Variants in COL11A1 observed in about 807,000 individuals in gnomAD.
COL11A1 encodes collagen alpha-1(XI) chain.
COL11A1 carries 74 observed loss-of-function variants against 265.2 expected under a neutral mutation model. That is an observed-to-expected ratio of 0.28 (90% CI 0.23 to 0.34). The LOEUF is 0.34. Ranked by LOEUF, COL11A1 falls within the 10% of genes least tolerant of loss-of-function variation. COL11A1 has a pLI of 1.00. For missense variants in COL11A1, 2,165 were observed against 2,263.6 expected (o/e 0.96, Z 0.88); for synonymous variants, 816 against 727.6 (o/e 1.12, Z -1.96).
At chr1:102,970,135 G>T in intron 37 of COL11A1, 84 bp downstream of exon 37, 2 of 1,072,446 alleles carry the variant, frequency 1.9e-6, no homozygotes, top group South Asian at 1.4e-5. Flanking sequence ...TAATTGAAAT[G>T]TTCATAATAA....
intron 58 of COL11A1, 29 bp downstream of exon 58, chr1:102,890,422 T>G: frequency 6.3e-7 from 1 of 1,578,292 alleles, no homozygotes; most frequent in South Asian, 1.2e-5. Flanking sequence ...GCATATTCTT[T>G]TATTAATAAC....
chr1:102,946,450 A>G (rs1459605314), intron 42 of COL11A1, among the ~76,000 whole-genome samples: 1 of 152,122 alleles, frequency 6.6e-6, no homozygotes, highest in Non-Finnish European at 1.5e-5. Context: ...GCTATTTTCT[A>G]TGAGTCTTAT....
rs186638743 is a variant in COL11A1, at chr1:103,012,646, A to G, written c.1573-177T>C. Among the ~76,000 whole-genome samples, 11 of 152,318 alleles carry G rather than the reference A, an allele frequency of 7.2e-5. No homozygotes were observed. The East Asian group carries it at 1.9e-3, about 27-fold the overall frequency. On this transcript the variant is annotated intron_variant, in intron 13 of 66. Coordinates refer to ENST00000370096, the MANE Select transcript of COL11A1 (RefSeq NM_001854.4). ...CTGCAAATTTCTAGAATGACAAAAGAGGTAAATATCAGACATTTTAAAAAC... is the reference window on the plus strand; with the variant it reads ...CTGCAAATTTCTAGAATGACAAAAGGGGTAAATATCAGACATTTTAAAAAC...
chr1:102,973,521 C>A (rs1231692907), intron 36 of COL11A1, among the ~76,000 whole-genome samples: 1 of 152,092 alleles, frequency 6.6e-6, no homozygotes. Flanking sequence ...TGTTCCTAAA[C>A]AATAATCTAA....
In COL11A1 at chr1:103,031,249, GAA is replaced by G. The variant is rs36076089; in HGVS notation, c.652-7_652-6del. The G allele has an allele frequency of 0.012, 15,261 of 1,318,710 alleles. 214 individuals carry two copies. Among genetic ancestry groups the G allele is most frequent in the African/African-American group, 0.089 (6,181 of 69,318 alleles). 81.7% of individuals were successfully genotyped at this position (1,318,710 alleles called of 1,614,324 possible). ...CAAAAACTGCTGAATGTCCCCCTGG[GAA>G]AAAAAAAAAAACAAAAACAAACAGA... On this transcript the variant is annotated splice_polypyrimidine_tract_variant and splice_region_variant and intron_variant, in intron 4 of 66. Transcript: ENST00000370096.
intron 5 of COL11A1, among the ~76,000 whole-genome samples, chr1:103,029,277 A>G (rs1342273269): frequency 2.0e-5 from 3 of 152,044 alleles, no homozygotes; most frequent in African/African-American, 4.8e-5. Context: ...TAAGTAATAT[A>G]AAGTACATGT....
rs11164628 is a variant in COL11A1 at position 102,887,217 on chromosome 1, C to T, written c.4609-161G>A. 0.49 allele frequency among the ~76,000 whole-genome samples: 74,356 copies of T among 151,928 alleles called. 21,789 individuals are homozygous for T. The highest frequency in any genetic ancestry group is 0.66 in the East Asian group (3,432 of 5,164). The stretch of plus-strand genomic sequence containing the variant: ...TAGGATAAGTTTATAAATATATAAA[C>T]GTCATAGATTCTTCTATGATGAACT... On this transcript the variant is annotated intron_variant, in intron 62 of 66. Coordinates refer to ENST00000370096, the MANE Select transcript of COL11A1 (RefSeq NM_001854.4).
chr1:103,073,872 T>C (rs1671769830), intron 4 of COL11A1, among the ~76,000 whole-genome samples: 1 of 152,026 alleles, frequency 6.6e-6, no homozygotes. Flanking sequence ...TGAAACTGTC[T>C]ATTAATTTGT....
chr1:103,078,142 A>T (rs1207712181), intron 3 of COL11A1, among the ~76,000 whole-genome samples: 2 of 151,926 alleles, frequency 1.3e-5, no homozygotes, highest in East Asian at 3.9e-4. Context: ...ACCTCCTACA[A>T]TGTGTTATAC....
chr1:102,990,099 T>C (rs71664951), intron 28 of COL11A1, among the ~76,000 whole-genome samples: 5,750 of 152,092 alleles, frequency 0.038, 150 homozygotes, highest in Middle Eastern at 0.1. Context: ...GTGGGAGGAT[T>C]GCTTAAGCCC....
chr1:103,009,949 G>A (rs976921733), intron 14 of COL11A1, among the ~76,000 whole-genome samples: 28 of 152,080 alleles, frequency 1.8e-4, no homozygotes, highest in Admixed American at 9.2e-4. Context: ...ATGCAATTAT[G>A]CAATTATAGA....
intron 4 of COL11A1, among the ~76,000 whole-genome samples, chr1:103,065,376 C>T (rs919099115): frequency 1.3e-5 from 2 of 151,590 alleles, no homozygotes; most frequent in East Asian, 1.9e-4. Context: ...AAAAATTAGC[C>T]GGGCGTGTTG....
rs1199511230 is a variant in COL11A1, at chr1:103,021,745, C to T, written c.1270G>A (p.Glu424Lys). 6.2e-7 allele frequency: 1 copy of T among 1,612,468 alleles called. No homozygotes were observed. The highest frequency in any genetic ancestry group is 8.5e-7 in the Non-Finnish European group (1 of 1,178,620). Residue 424 changes from glutamate to lysine, a missense_variant, in exon 9 of 67, where the codon GAG becomes AAG. Glu to Lys is a moderately conservative substitution (Grantham distance 56). Coordinates refer to ENST00000370096, the MANE Select transcript of COL11A1 (RefSeq NM_001854.4). ...GCTGGTTCTCCTTTCTGTCCTTTCT[C>T]TCCATATGCACCATGGCCATTTATC... Reference protein sequence around the residue: ...TSINGHGAYGEKGQKGEPAVV... With the variant: ...TSINGHGAYGKKGQKGEPAVV...
chr1:103,027,396 AATATATATATATATATATATATATAT>A (rs57013059), intron 5 of COL11A1, among the ~76,000 whole-genome samples: 9 of 92,094 alleles, frequency 9.8e-5, no homozygotes, highest in Non-Finnish European at 1.5e-4. Context: ...TTAAAACTCT[AATATATATATATATATATATATATAT>A]ATATATATAT....
At chr1:102,898,523 T>C (rs1354349231) in intron 56 of COL11A1, 143 bp downstream of exon 56, 11 of 631,318 alleles carry the variant, frequency 1.7e-5, no homozygotes, top group African/African-American at 1.5e-4. Context: ...GAATATCTTT[T>C]TTACATTATA....
At chr1:102,888,971 C>A in intron 59 of COL11A1, 52 bp from the exon 60 acceptor site, 1 of 1,519,652 alleles carries the variant, frequency 6.6e-7, no homozygotes, top group Non-Finnish European at 9.1e-7. Context: ...ATTTCATTTT[C>A]ATGTTTTCAT....
chr1:103,070,626 G>A (rs1671509980), intron 4 of COL11A1, among the ~76,000 whole-genome samples: 2 of 151,824 alleles, frequency 1.3e-5, no homozygotes, highest in East Asian at 3.9e-4. Context: ...TGATTATGAT[G>A]ATGGTTTCAC....
intron 2 of COL11A1, 85 bp from the exon 3 acceptor site, chr1:103,078,956 T>C: frequency 1.1e-6 from 1 of 911,326 alleles, no homozygotes; most frequent in Non-Finnish European, 1.8e-6. Flanking sequence ...TTTTGAAATT[T>C]CTACATGGCC....
At chr1:103,107,343 C>T (rs1674779113) in intron 1 of COL11A1, among the ~76,000 whole-genome samples, 1 of 145,224 alleles carries the variant, frequency 6.9e-6, no homozygotes. Context: ...TTTCATCATT[C>T]TCCAAGAGAA....
Sources: gnomAD v4.1 joint callset for allele counts (sites outside exome capture counted in the v4.1 genomes callset) on GRCh38, gnomAD v4.1.1 for gene constraint, MANE v1.5 for transcripts, NCBI Gene and HGNC (gene_info 2026-07-23, HGNC 2026-07-21) for gene names.